The following CPLX2 variants were observed in gnomAD, a reference collection of about 807,000 sequenced individuals.
CPLX2 encodes complexin 2.
CPLX2 carries 5 observed loss-of-function variants against 16.3 expected under a neutral mutation model. That is an observed-to-expected ratio of 0.31 (90% CI 0.16 to 0.64). The LOEUF is 0.64. Ranked by LOEUF, CPLX2 falls within the 30% of genes least tolerant of loss-of-function variation. CPLX2 has a pLI of 0.79. For synonymous variants in CPLX2, 89 were observed against 73.2 expected, an observed-to-expected ratio of 1.22 and a Z score of -1.10; for missense variants, 144 against 181.4, an observed-to-expected ratio of 0.79 and a Z score of 1.18.
rs1407981051 is a variant in CPLX2, at chr5:175,875,533, G to C, written c.-88-3119G>C. ...GTGCCATTATAATTCTCATTTTATA[G>C]AGAAGATCAAGTATCAATGAGGTTA... On this transcript the variant is annotated intron_variant, in intron 1 of 3. Coordinates refer to ENST00000393745, the MANE Select transcript of CPLX2 (RefSeq NM_001008220.2). Among the ~76,000 whole-genome samples, 3 of 152,306 alleles carry C rather than the reference G, an allele frequency of 2.0e-5. No homozygotes were observed. The East Asian group carries it at 5.8e-4, about 29-fold the overall frequency.
rs1029570257 is a variant in CPLX2, at chr5:175,830,929, G to A, written c.-89+21861G>A. ...AGGGGCCTTAGAGCCCAAGGGAAACGTGCGTGTGTTCGTGCTCACACAGTT... is the reference window on the plus strand; with the variant it reads ...AGGGGCCTTAGAGCCCAAGGGAAACATGCGTGTGTTCGTGCTCACACAGTT... On this transcript the variant is annotated intron_variant, in intron 2 of 4. Transcript: ENST00000359546. The surrounding 1 kb of genome is among the most constrained non-coding windows in gnomAD (Gnocchi z 4.0). Among the ~76,000 whole-genome samples, 3 of 152,208 alleles carry A rather than the reference G, an allele frequency of 2.0e-5. No individual in the cohort carries two copies. Among genetic ancestry groups the A allele is most frequent in the South Asian group, 2.1e-4 (1 of 4,834 alleles).
intron 2 of CPLX2, among the ~76,000 whole-genome samples, chr5:175,811,730 G>A (rs1355559276): frequency 1.3e-5 from 2 of 152,140 alleles, no homozygotes; most frequent in Non-Finnish European, 1.5e-5. Context: ...ACATTACAGA[G>A]TGTCCCGAAG....
At chr5:175,826,612 G>C (rs1286423485) in intron 2 of CPLX2, among the ~76,000 whole-genome samples, 1 of 152,090 alleles carries the variant, frequency 6.6e-6, no homozygotes, top group Non-Finnish European at 1.5e-5. Flanking sequence ...GTGGCTGATT[G>C]GATGTGGGAA....
At chr5:175,842,834 T>C (rs1010507176) in intron 2 of CPLX2, among the ~76,000 whole-genome samples, 2 of 152,164 alleles carry the variant, frequency 1.3e-5, no homozygotes, top group Admixed American at 1.3e-4. Flanking sequence ...GTGACAACCA[T>C]TTCACAGAGG....
At chr5:175,871,398 GAA>G (rs1407464397), upstream of CPLX2, 10 of 128,566 alleles carry the variant, frequency 7.8e-5, no homozygotes, top group African/African-American at 3.0e-4. Context: ...GGGAGGGAGA[GAA>G]AGAGAGAGAG....
chr5:175,847,385 G>T (rs887090512), intron 2 of CPLX2, among the ~76,000 whole-genome samples: 1 of 152,304 alleles, frequency 6.6e-6, no homozygotes, highest in East Asian at 1.9e-4. Flanking sequence ...GACACAGGTT[G>T]CATCTACAAC....
At chr5:175,799,489 T>C (rs1459790696) in intron 1 of CPLX2, among the ~76,000 whole-genome samples, 1 of 148,778 alleles carries the variant, frequency 6.7e-6, no homozygotes, top group Non-Finnish European at 1.5e-5. Context: ...CTCAAGAAGA[T>C]GGCAATGTAT....
At chr5:175,821,506 C>G (rs996165172) in intron 2 of CPLX2, among the ~76,000 whole-genome samples, 1 of 152,152 alleles carries the variant, frequency 6.6e-6, no homozygotes, top group Non-Finnish European at 1.5e-5. Context: ...CTCCTGGGTT[C>G]AAGTGATTCT....
chr5:175,876,213 T>C (rs1242677899), intron 1 of CPLX2, among the ~76,000 whole-genome samples: 1 of 152,214 alleles, frequency 6.6e-6, no homozygotes, highest in African/African-American at 2.4e-5. Context: ...TCCTGTTTCC[T>C]ATAAATCCCC....
intron 2 of CPLX2, among the ~76,000 whole-genome samples, chr5:175,835,728 CTTTTTTTTTT>C (rs71575283): frequency 1.8e-4 from 10 of 54,796 alleles, no homozygotes; most frequent in Admixed American, 1.2e-3. Context: ...TATTTATTTA[CTTTTTTTTTT>C]TTTTTTTTTT....
At chr5:175,805,117 C>A (rs1405802873) in intron 1 of CPLX2, among the ~76,000 whole-genome samples, 1 of 152,126 alleles carries the variant, frequency 6.6e-6, no homozygotes, top group Non-Finnish European at 1.5e-5. Flanking sequence ...GGTGGTGGGT[C>A]AATGAATTTC....
At chr5:175,835,036 AAG>A (rs1015338072) in intron 2 of CPLX2, among the ~76,000 whole-genome samples, 30 of 152,358 alleles carry the variant, frequency 2.0e-4, no homozygotes, top group African/African-American at 6.3e-4. Context: ...GGACATGGCA[AAG>A]AGAGGGAGCT....
chr5:175,828,463 T>G (rs370455633), intron 2 of CPLX2, among the ~76,000 whole-genome samples: 1 of 152,134 alleles, frequency 6.6e-6, no homozygotes, highest in East Asian at 1.9e-4. Context: ...AAGAGAAATA[T>G]TTAGAGACCA....
intron 2 of CPLX2, among the ~76,000 whole-genome samples, chr5:175,860,544 GAT>G (rs1759350012): frequency 4.4e-5 from 3 of 68,538 alleles, no homozygotes; most frequent in African/African-American, 1.6e-4. Context: ...AAGAAAGATA[GAT>G]AGAAAGAAAG....
intron 2 of CPLX2, among the ~76,000 whole-genome samples, chr5:175,811,817 G>A (rs1037421515): frequency 1.3e-5 from 2 of 152,216 alleles, no homozygotes; most frequent in African/African-American, 4.8e-5. Context: ...CAGTCAGGGG[G>A]CACCACATGG....
At chr5:175,821,415 T>G (rs1442663134) in intron 2 of CPLX2, among the ~76,000 whole-genome samples, 1 of 152,162 alleles carries the variant, frequency 6.6e-6, no homozygotes, top group Non-Finnish European at 1.5e-5. Context: ...TCCTTTTTCT[T>G]TTTTTTCTTG....
chr5:175,838,562 TTCTG>T (rs960121941), intron 2 of CPLX2, among the ~76,000 whole-genome samples: 1 of 152,110 alleles, frequency 6.6e-6, no homozygotes, highest in Non-Finnish European at 1.5e-5. Flanking sequence ...CCGGCCCCCC[TTCTG>T]TCTTTCATCT....
intron 2 of CPLX2, among the ~76,000 whole-genome samples, chr5:175,813,037 C>T (rs1486999549): frequency 1.3e-5 from 2 of 152,312 alleles, no homozygotes; most frequent in East Asian, 1.9e-4. Flanking sequence ...TTCTCAGCCA[C>T]GAGCCACCCT....
At chr5:175,851,909 G>A (rs954932683) in intron 2 of CPLX2, among the ~76,000 whole-genome samples, 2 of 152,242 alleles carry the variant, frequency 1.3e-5, no homozygotes, top group African/African-American at 4.8e-5. Flanking sequence ...CACAGCTTCT[G>A]CAGCATCCTG....
Sources: gnomAD v4.1 joint callset for allele counts (sites outside exome capture counted in the v4.1 genomes callset) on GRCh38, gnomAD v4.1.1 for gene constraint, Gnocchi (gnomAD v3.1) non-coding constraint, MANE v1.5 for transcripts, NCBI Gene and HGNC (gene_info 2026-07-23, HGNC 2026-07-21) for gene names.